ANKDD1B: variants seen among roughly 807,000 people sequenced by gnomAD.
The protein encoded by ANKDD1B is ankyrin repeat and death domain-containing protein 1B.
A neutral mutation model predicts 59.7 loss-of-function variants in ANKDD1B; 57 were observed. The ratio of observed to expected loss-of-function variants is 0.95; its 90% CI spans 0.77 to 1.19. The LOEUF is 1.19. Among genes scored for constraint, ANKDD1B ranks in the 50% most tolerant of loss-of-function variants. The pLI is 0.00. For synonymous variants in ANKDD1B, 216 were observed against 239.5 expected, an observed-to-expected ratio of 0.90 and a Z score of 0.91; for missense variants, 602 against 641.9, an observed-to-expected ratio of 0.94 and a Z score of 0.67.
rs1773728984 is a variant in ANKDD1B at position 75,616,831 on chromosome 5, A to T, written c.221A>T (p.Asn74Ile). ...LLLPNERSFQ[N>I]AAKSNNLDLM... The stretch of plus-strand genomic sequence containing the variant: ...CTCCCAAATGAGAGAAGCTTTCAGA[A>T]TGCTGCTAAAAGCAATAATTTGGAT... Residue 74 changes from asparagine (N) to isoleucine (I), a missense_variant, in exon 2 of 14, where the codon AAT (asparagine) becomes ATT (isoleucine). This residue lies in a region of ANKDD1B where 317 missense variants were observed against 304.6 expected (regional missense o/e 1.04). Coordinates refer to ENST00000601380, the MANE Select transcript of ANKDD1B (RefSeq NM_001276713.2). 1 of 1,529,906 alleles carries T rather than the reference A, an allele frequency of 6.5e-7. No individual in the cohort carries two copies. Among genetic ancestry groups the T allele is most frequent in the African/African-American group, 1.4e-5 (1 of 73,034 alleles). 94.8% of individuals were successfully genotyped at this position (1,529,906 alleles called of 1,614,324 possible). A position where few individuals can be genotyped will look rare whatever the true frequency, so the allele number is the denominator to read the frequency against.
chr5:75,661,877 A>G (rs1263951682), intron 10 of ANKDD1B, among the ~76,000 whole-genome samples: 1 of 133,098 alleles, frequency 7.5e-6, no homozygotes, highest in East Asian at 2.1e-4. Flanking sequence ...AATAAAAAAT[A>G]TCTTTTCTAT....
At chr5:75,652,504 T>C (rs1774859335) in intron 7 of ANKDD1B, among the ~76,000 whole-genome samples, 1 of 152,182 alleles carries the variant, frequency 6.6e-6, no homozygotes, top group Non-Finnish European at 1.5e-5. Flanking sequence ...TGCAGTGGCA[T>C]GATCTCGGCT....
In ANKDD1B at chr5:75,611,632, A is replaced by G; in HGVS notation, c.-3A>G. 8.1e-7 allele frequency: 1 copy of G among 1,230,556 alleles called. No individual in the cohort carries two copies. The highest frequency in any genetic ancestry group is 1.0e-6 in the Non-Finnish European group (1 of 987,606). 76.2% of individuals were successfully genotyped at this position (1,230,556 alleles called of 1,614,324 possible). A position where few individuals can be genotyped will look rare whatever the true frequency, so the allele number is the denominator to read the frequency against. ...CCTGCGCTCAGGGCCCGCGGAGGAG[A>G]CTATGGACCCCGCCGGGCGCGCCCG... is the stretch of plus-strand genomic sequence containing the variant. On this transcript the variant is annotated 5_prime_UTR_variant, in exon 1 of 14. Coordinates refer to ENST00000601380, the MANE Select transcript of ANKDD1B (RefSeq NM_001276713.2).
intron 9 of ANKDD1B, among the ~76,000 whole-genome samples, chr5:75,656,832 C>T (rs765200084): frequency 7.9e-5 from 12 of 152,208 alleles, no homozygotes; most frequent in South Asian, 2.1e-4. Context: ...GAAGGCTCTG[C>T]GGTGCCCTTC....
rs1018580878 is a variant in ANKDD1B at position 75,666,812 on chromosome 5, G to A, written c.1212G>A (p.Arg404=). The A allele has an allele frequency of 2.8e-5, 43 of 1,535,632 alleles. No homozygotes were observed. The highest frequency in any genetic ancestry group is 3.6e-5 in the Non-Finnish European group (41 of 1,146,614). The part of the protein sequence containing the change: ...AWREEHHESI[R]DPSTGFTLTF... ...TTTAGGAGCATCATGAGAGCATCAG[G>A]GACCCGTCAACAGGCTTTACTCTGA... Residue 404 remains arginine, a synonymous_variant, in exon 12 of 14, where the codon AGG becomes AGA. Coordinates refer to ENST00000601380, the MANE Select transcript of ANKDD1B (RefSeq NM_001276713.2).
intron 1 of ANKDD1B, among the ~76,000 whole-genome samples, chr5:75,614,231 A>G (rs893409383): frequency 9.9e-5 from 15 of 152,216 alleles, no homozygotes; most frequent in African/African-American, 2.4e-4. Flanking sequence ...CCAAGCCCCA[A>G]TTCCCACAGG....
intron 10 of ANKDD1B, among the ~76,000 whole-genome samples, chr5:75,662,958 A>G (rs986054992): frequency 6.6e-6 from 1 of 152,142 alleles, no homozygotes; most frequent in Non-Finnish European, 1.5e-5. Context: ...TCCTCAAAAC[A>G]TGGCTTCTAC....
At position 75,611,844 on chromosome 5, in the gene ANKDD1B, G is replaced by A. The variant is rs1773567145; in HGVS notation, c.193+17G>A. The A allele has an allele frequency of 2.4e-6, 3 of 1,231,958 alleles. No individual in the cohort carries two copies. The highest frequency in any genetic ancestry group is 3.0e-6 in the Non-Finnish European group (3 of 988,164). 76.3% of individuals were successfully genotyped at this position (1,231,958 alleles called of 1,614,324 possible). A position where few individuals can be genotyped will look rare whatever the true frequency, so the allele number is the denominator to read the frequency against. ...ACGAGCTCCGTGAGTCCCGGGACGA[G>A]GTCTCAGAAAATCAGGCTGCGGGGC... On this transcript the variant is annotated intron_variant, in intron 1 of 13. Transcript: ENST00000601380.
chr5:75,656,669 A>G (rs1774987507), intron 9 of ANKDD1B, among the ~76,000 whole-genome samples: 2 of 152,232 alleles, frequency 1.3e-5, no homozygotes, highest in Admixed American at 1.3e-4. Context: ...CAACGGAATG[A>G]TGAAGGGAAT....
intron 5 of ANKDD1B, 102 bp downstream of exon 5, chr5:75,626,057 C>T: frequency 1.2e-6 from 1 of 836,322 alleles, no homozygotes; most frequent in Non-Finnish European, 1.9e-6. Flanking sequence ...ACAGACAGAC[C>T]CGGCCCTGTA....
At chr5:75,663,519 G>GATC in intron 11 of ANKDD1B, 30 bp downstream of exon 11, 1 of 1,510,360 alleles carries the variant, frequency 6.6e-7, no homozygotes, top group Non-Finnish European at 8.9e-7. Flanking sequence ...GCACAGCAGG[G>GATC]GCTTTCCTGG....
Position 75,648,498 on chromosome 5 carries a change from C to T in ANKDD1B, c.799-4644C>T, listed in dbSNP as rs147846762. The stretch of plus-strand genomic sequence containing the variant: ...AATTATTTTGCCCTTAAGTATTTTG[C>T]TTTGTAGTGATTTTCATATGCACAC... On this transcript the variant is annotated intron_variant, in intron 7 of 13. Transcript: ENST00000601380. Among the ~76,000 whole-genome samples the T allele has an allele frequency of 5.3e-5, 8 of 152,238 alleles. No homozygotes were observed. In the East Asian group the frequency reaches 1.3e-3, roughly 26 times the overall value.
intron 8 of ANKDD1B, among the ~76,000 whole-genome samples, chr5:75,655,624 C>T (rs558448438): frequency 1.4e-3 from 209 of 152,322 alleles, no homozygotes; most frequent in Non-Finnish European, 2.4e-3. Context: ...AGCCTTCCCC[C>T]TATCCCCACA....
At chr5:75,630,645 A>G (rs1470792771) in intron 5 of ANKDD1B, among the ~76,000 whole-genome samples, 1 of 152,264 alleles carries the variant, frequency 6.6e-6, no homozygotes, top group Non-Finnish European at 1.5e-5. Context: ...TATTGTTACC[A>G]AACTGATAAA....
intron 8 of ANKDD1B, among the ~76,000 whole-genome samples, chr5:75,655,823 G>A (rs185921859): frequency 6.6e-6 from 1 of 152,178 alleles, no homozygotes; most frequent in East Asian, 1.9e-4. Context: ...AAGAACAAAG[G>A]GGGTGGGCCG....
chr5:75,641,740 C>A (rs1392960715), intron 7 of ANKDD1B, among the ~76,000 whole-genome samples: 1 of 152,210 alleles, frequency 6.6e-6, no homozygotes, highest in Non-Finnish European at 1.5e-5. Flanking sequence ...CCCAAACTGG[C>A]ATGTTTGATA....
intron 7 of ANKDD1B, among the ~76,000 whole-genome samples, chr5:75,640,231 G>A (rs1201397287): frequency 6.6e-6 from 1 of 152,088 alleles, no homozygotes; most frequent in Non-Finnish European, 1.5e-5. Flanking sequence ...TTTTTGTAGA[G>A]ATGGGGCTTT....
rs1224672767 is a variant in ANKDD1B at position 75,634,983 on chromosome 5, CAGAAAAGG to C, written c.688_695del (p.Glu230GlnfsTer31). 3 of 1,531,956 alleles carry C rather than the reference CAGAAAAGG, an allele frequency of 2.0e-6. No homozygotes were observed. Among genetic ancestry groups the C allele is most frequent in the Non-Finnish European group, 2.6e-6 (3 of 1,143,204 alleles). 94.9% of individuals were successfully genotyped at this position (1,531,956 alleles called of 1,614,324 possible). A position where few individuals can be genotyped will look rare whatever the true frequency, so the allele number is the denominator to read the frequency against. ...CTTACCTTCCTAAACCTGCATACTT[CAGAAAAGG>C]ACAAGGTGAGTTGGACTTTTATTTC... On this transcript the variant is annotated frameshift_variant, in exon 6 of 14. Transcript: ENST00000601380. LOFTEE classifies it high-confidence loss of function.
At chr5:75,657,683 C>T (rs879001053) in intron 9 of ANKDD1B, among the ~76,000 whole-genome samples, 1 of 151,734 alleles carries the variant, frequency 6.6e-6, no homozygotes, top group Non-Finnish European at 1.5e-5. Context: ...CTGAGGCGGG[C>T]GGATCATGAG....
Sources: gnomAD v4.1 joint callset for allele counts (sites outside exome capture counted in the v4.1 genomes callset) on GRCh38, gnomAD v4.1.1 for gene constraint, gnomAD v4.1.1 regional missense constraint, MANE v1.5 for transcripts, NCBI Gene and HGNC (gene_info 2026-07-23, HGNC 2026-07-21) for gene names.